OLFM1: variants seen among roughly 807,000 people sequenced by gnomAD.
The protein encoded by OLFM1 is olfactomedin 1.
A neutral mutation model predicts 49.7 loss-of-function variants in OLFM1; 9 were observed. That is an observed-to-expected ratio of 0.18 (90% CI 0.11 to 0.32). The LOEUF is 0.32. Ranked by LOEUF, OLFM1 falls within the 10% of genes least tolerant of loss-of-function variation. The pLI, the probability that OLFM1 is intolerant of heterozygous loss-of-function variation, is 1.00. For synonymous variants in OLFM1, 240 were observed against 271.8 expected (o/e 0.88, Z 1.15); for missense variants, 369 against 661.8 (o/e 0.56, Z 4.85).
chr9:135,094,136 G>A (rs1261008803), intron 2 of OLFM1, among the ~76,000 whole-genome samples: 6 of 152,042 alleles, frequency 3.9e-5, no homozygotes, highest in African/African-American at 4.8e-5. Context: ...GACTGGCGCC[G>A]CCATTTGTAT....
chr9:135,113,357 G>A lies in OLFM1; in HGVS notation c.784-6147G>A, dbSNP rs1229748584. 1.3e-5 allele frequency among the ~76,000 whole-genome samples: 2 copies of A among 152,132 alleles called. No individual in the cohort carries two copies. Among genetic ancestry groups the A allele is most frequent in the East Asian group, 1.9e-4 (1 of 5,170 alleles). On this transcript the variant is annotated intron_variant, in intron 5 of 5. Coordinates refer to ENST00000371793, the MANE Select transcript of OLFM1 (RefSeq NM_001282611.2). This position sits in a 1 kb window ranked among gnomAD's most constrained non-coding sequence, Gnocchi z 4.0. ...CCTTTGGGTGGTGCCTGGGCCTGAT[G>A]AGCTCCAGCAGGCTCTGAGGGCCGT...
chr9:135,110,892 C>T (rs777802423), intron 5 of OLFM1, among the ~76,000 whole-genome samples: 20 of 152,236 alleles, frequency 1.3e-4, no homozygotes, highest in Non-Finnish European at 2.2e-4. Context: ...GAAGTGCCAG[C>T]GCGGGCCCAA....
chr9:135,111,937 C>T (rs1281046174), intron 5 of OLFM1, among the ~76,000 whole-genome samples: 1 of 152,172 alleles, frequency 6.6e-6, no homozygotes, highest in Admixed American at 6.5e-5. Context: ...GGATGATCTC[C>T]ATCTCCTGAC....
intron 5 of OLFM1, among the ~76,000 whole-genome samples, chr9:135,112,773 G>A (rs965054658): frequency 1.3e-5 from 2 of 152,332 alleles, no homozygotes; most frequent in East Asian, 1.9e-4. Flanking sequence ...GTGAGAGCTT[G>A]CCTTCTGCAG....
In OLFM1 at chr9:135,113,468, C is replaced by T. The variant is rs1831051517; in HGVS notation, c.784-6036C>T. Among the ~76,000 whole-genome samples the T allele has an allele frequency of 6.6e-6, 1 of 152,192 alleles. No individual in the cohort carries two copies. The highest frequency in any genetic ancestry group is 2.4e-5 in the African/African-American group (1 of 41,438). Reference sequence around the variant, plus strand: ...ATAGCTGGCATTTATTGAACCACTACAGGTGGCAGGTCCTCACAGGACCTA... The same window carrying T: ...ATAGCTGGCATTTATTGAACCACTATAGGTGGCAGGTCCTCACAGGACCTA... On this transcript the variant is annotated intron_variant, in intron 5 of 5. Transcript: ENST00000371793. This position sits in a 1 kb window ranked among gnomAD's most constrained non-coding sequence, Gnocchi z 4.0.
chr9:135,082,778 G>C (rs1830548679), upstream of OLFM1, among the ~76,000 whole-genome samples: 1 of 152,192 alleles, frequency 6.6e-6, no homozygotes, highest in Non-Finnish European at 1.5e-5. Flanking sequence ...TACAAAGGAT[G>C]ATGAAACAGG....
intron 5 of OLFM1, among the ~76,000 whole-genome samples, chr9:135,114,092 C>T (rs1327129186): frequency 3.3e-5 from 5 of 150,670 alleles, no homozygotes; most frequent in Non-Finnish European, 5.9e-5. Context: ...TTAGGGCCCA[C>T]CTTCATCCAG....
Position 135,108,389 on chromosome 9 carries a change from T to C in OLFM1, c.783+1534T>C, listed in dbSNP as rs143655389. Among the ~76,000 whole-genome samples, 1,072 of 152,110 alleles carry C rather than the reference T, an allele frequency of 7.0e-3. 10 individuals carry two copies. The highest frequency in any genetic ancestry group is 0.022 in the African/African-American group (913 of 41,468). On this transcript the variant is annotated intron_variant, in intron 5 of 5. Transcript: ENST00000371793. ...TGGCTCACACCTGTAATCCCAGCAC[T>C]TTGGGAGGCTGAGGCGGGCGGATCA...
Position 135,120,139 on chromosome 9 carries a change from C to T in OLFM1, c.1419C>T (p.Asn473=), listed in dbSNP as rs370742908. The stretch of plus-strand genomic sequence containing the variant: ...ACAACGGCCACCAGATCCTCTACAA[C>T]GTGACCCTCTTCCACGTCATCCGCT... The part of the protein sequence containing the change: ...AWNNGHQILY[N]VTLFHVIRSD... Residue 473 remains asparagine, a synonymous_variant, in exon 6 of 6, where the codon AAC becomes AAT. Transcript: ENST00000371793. 6.5e-5 allele frequency: 105 copies of T among 1,613,718 alleles called. No individual in the cohort carries two copies. Among genetic ancestry groups the T allele is most frequent in the Middle Eastern group, 1.6e-4 (1 of 6,084 alleles).
chr9:135,088,517 G>A lies in OLFM1; in HGVS notation c.150+378G>A, dbSNP rs981354031. Among the ~76,000 whole-genome samples the A allele has an allele frequency of 1.3e-5, 2 of 152,108 alleles. No individual in the cohort carries two copies. The highest frequency in any genetic ancestry group is 4.8e-5 in the African/African-American group (2 of 41,434). On this transcript the variant is annotated intron_variant, in intron 1 of 5. Transcript: ENST00000371793. The surrounding 1 kb of genome is among the most constrained non-coding windows in gnomAD (Gnocchi z 4.8). ...CTGGGGACTTGGGGACTTGTCCAAG[G>A]TCACACTCAGCGAGTGAGGGGTGGA... is the stretch of plus-strand genomic sequence containing the variant.
In OLFM1 at chr9:135,119,839, C is replaced by T. The variant is rs760967687; in HGVS notation, c.1119C>T (p.Asn373=). 81 of 1,613,682 alleles carry T rather than the reference C, an allele frequency of 5.0e-5. No individual in the cohort carries two copies. Among genetic ancestry groups the T allele is most frequent in the Admixed American group, 2.2e-4 (13 of 60,002 alleles). ...GGGCCGTGTACGCCACCAACCAGAA[C>T]GCTGGCAACATCGTGGTCAGTAGGC... ...GLWAVYATNQ[N]AGNIVVSRLD... Residue 373 remains asparagine, a synonymous_variant, in exon 6 of 6, where the codon AAC becomes AAT. Transcript: ENST00000371793.
chr9:135,114,686 G>A (rs895478117), intron 5 of OLFM1, among the ~76,000 whole-genome samples: 49 of 152,012 alleles, frequency 3.2e-4, no homozygotes, highest in African/African-American at 1.1e-3. Context: ...TGGGCAGCCT[G>A]GGGAGGGAGG....
At chr9:135,091,505 AC>A (rs1324186422) in intron 2 of OLFM1, among the ~76,000 whole-genome samples, 1 of 142,224 alleles carries the variant, frequency 7.0e-6, no homozygotes, top group African/African-American at 2.6e-5. Flanking sequence ...ACACATTCAC[AC>A]AGTCTCACAC....
At chr9:135,086,541 G>C (rs1340678082), upstream of OLFM1, 1 of 442,878 alleles carries the variant, frequency 2.3e-6, no homozygotes, top group Non-Finnish European at 4.6e-6. Context: ...TTTTCGCCCA[G>C]GCAGAGAAGA....
intron 4 of OLFM1, chr9:135,106,487 G>T (rs1830945214): frequency 4.2e-6 from 2 of 481,378 alleles, no homozygotes; most frequent in Non-Finnish European, 7.4e-6. Context: ...CGTGAAGCCT[G>T]GGAGGGCGGC....
In OLFM1 at chr9:135,095,530, A is replaced by AGAGAGAG. The variant is rs1554753300; in HGVS notation, c.301-334_301-333insGAGAGAG. Among the ~76,000 whole-genome samples the AGAGAGAG allele has an allele frequency of 1.7e-3, 229 of 137,272 alleles. 1 individual carries two copies. The highest frequency in any genetic ancestry group is 6.3e-3 in the African/African-American group (212 of 33,882). The allele number at this position is 137,272 out of a possible 152,430, so 90.1% of individuals were successfully genotyped here. ...CCACCACTACCAAAAAAAAAAAAAAAAGAGAGAGAGAGAGATCAAGAGAAA... is the reference window on the plus strand; with the variant it reads ...CCACCACTACCAAAAAAAAAAAAAAAGAGAGAGAGAGAGAGAGAGAGATCAAGAGAAA... On this transcript the variant is annotated intron_variant, in intron 2 of 5. Coordinates refer to ENST00000371793, the MANE Select transcript of OLFM1 (RefSeq NM_001282611.2).
intron 5 of OLFM1, among the ~76,000 whole-genome samples, chr9:135,111,514 C>T (rs182774041): frequency 2.0e-5 from 3 of 152,206 alleles, no homozygotes; most frequent in African/African-American, 4.8e-5. Flanking sequence ...TCCTAGATCT[C>T]GGGGCTGGGA....
intron 5 of OLFM1, among the ~76,000 whole-genome samples, chr9:135,111,863 T>C (rs57306975): frequency 0.04 from 5,920 of 148,512 alleles, 350 homozygotes; most frequent in African/African-American, 0.13. Flanking sequence ...GCGCATGCCA[T>C]CACTTCCGGC....
rs1450303541 is a variant in OLFM1, at chr9:135,076,222, G to C, written c.96+420G>C. ...AGTCCTACCCCCAACACACACCCCT[G>C]AGTGGCTCATCCTCCCTTTGGGCAT... is the stretch of plus-strand genomic sequence containing the variant. On this transcript the variant is annotated intron_variant, in intron 1 of 5. Coordinates refer to the OLFM1 transcript ENST00000252854. The C allele has an allele frequency of 2.6e-6, 4 of 1,550,606 alleles. No individual in the cohort carries two copies. In the East Asian group the frequency reaches 7.3e-5, roughly 28 times the overall value.
Sources: allele counts gnomAD v4.1 joint callset (sites outside exome capture counted in the v4.1 genomes callset), GRCh38; gene constraint gnomAD v4.1.1; non-coding constraint Gnocchi (gnomAD v3.1); transcripts MANE v1.5; gene names NCBI Gene and HGNC (gene_info 2026-07-23, HGNC 2026-07-21).